Variants in GSK3B observed in about 807,000 individuals in gnomAD.
GSK3B encodes glycogen synthase kinase-3 beta.
A neutral mutation model predicts 56.4 loss-of-function variants in GSK3B; 15 were observed. The observed-to-expected ratio is 0.27, with a 90% confidence interval of 0.18 to 0.41. The LOEUF (loss-of-function observed/expected upper bound fraction) is 0.41, where lower values mean the gene tolerates loss of function less well. Ranked by LOEUF, GSK3B falls within the 10% of genes least tolerant of loss-of-function variation. The pLI is 1.00. For missense variants in GSK3B, 300 were observed against 513.4 expected (o/e 0.58, Z 4.02); for synonymous variants, 181 against 188.9 (o/e 0.96, Z 0.34).
intron 7 of GSK3B, among the ~76,000 whole-genome samples, chr3:119,892,684 G>C (rs1465249468): frequency 6.6e-6 from 1 of 152,142 alleles, no homozygotes; most frequent in Non-Finnish European, 1.5e-5. Context: ...TATGCACCTT[G>C]AAAGACTAAA....
intron 6 of GSK3B, among the ~76,000 whole-genome samples, chr3:119,908,123 T>C (rs2056700841): frequency 2.0e-5 from 3 of 152,166 alleles, no homozygotes. Context: ...TTAAAAACAT[T>C]ACAGTCTTAA....
intron 6 of GSK3B, among the ~76,000 whole-genome samples, chr3:119,910,531 T>C (rs1169421356): frequency 1.3e-5 from 2 of 152,246 alleles, no homozygotes; most frequent in Non-Finnish European, 2.9e-5. Context: ...ATCTTTTTGC[T>C]GGCAGAGGGT....
At chr3:120,087,903 T>C (rs2058478640) in intron 1 of GSK3B, among the ~76,000 whole-genome samples, 1 of 152,134 alleles carries the variant, frequency 6.6e-6, no homozygotes, top group South Asian at 2.1e-4. Flanking sequence ...TTGTTTTGTT[T>C]TTTTTTTGAG....
At chr3:119,963,248 G>C (rs932017329) in intron 2 of GSK3B, among the ~76,000 whole-genome samples, 2 of 152,068 alleles carry the variant, frequency 1.3e-5, no homozygotes, top group African/African-American at 4.8e-5. Flanking sequence ...AATTAATATT[G>C]TTAAAATGTC....
At chr3:119,959,999 GCTTT>G (rs2057255965) in intron 2 of GSK3B, among the ~76,000 whole-genome samples, 1 of 151,838 alleles carries the variant, frequency 6.6e-6, no homozygotes, top group Non-Finnish European at 1.5e-5. Flanking sequence ...GTTCAAAGCA[GCTTT>G]ATTTAGAATA....
chr3:120,056,146 T>G (rs1188042658), intron 1 of GSK3B, among the ~76,000 whole-genome samples: 1 of 152,226 alleles, frequency 6.6e-6, no homozygotes, highest in Non-Finnish European at 1.5e-5. Context: ...GAAAAATTTC[T>G]TGGTAATTTT....
intron 1 of GSK3B, among the ~76,000 whole-genome samples, chr3:120,076,810 T>C (rs1169101592): frequency 3.6e-5 from 2 of 56,312 alleles, no homozygotes; most frequent in East Asian, 8.4e-4. Flanking sequence ...CGAAACTCCG[T>C]CTCAAAAAAA....
At chr3:120,078,408 C>T (rs1470506992) in intron 1 of GSK3B, among the ~76,000 whole-genome samples, 2 of 152,142 alleles carry the variant, frequency 1.3e-5, no homozygotes, top group South Asian at 2.1e-4. Flanking sequence ...TCTTTTCTAA[C>T]GACCCAGGAA....
At chr3:120,054,983 A>AG (rs576249297) in intron 1 of GSK3B, among the ~76,000 whole-genome samples, 15 of 152,284 alleles carry the variant, frequency 9.9e-5, no homozygotes, top group African/African-American at 3.6e-4. Context: ...TTGGACTCAG[A>AG]CACCTAAAGA....
chr3:119,878,997 A>C (rs77894585), intron 7 of GSK3B, among the ~76,000 whole-genome samples: 3,934 of 152,288 alleles, frequency 0.026, 172 homozygotes, highest in African/African-American at 0.089. Flanking sequence ...AAGCGTATGG[A>C]AAAACTTATC....
At chr3:119,968,906 A>C (rs1231554617) in intron 2 of GSK3B, among the ~76,000 whole-genome samples, 4 of 152,266 alleles carry the variant, frequency 2.6e-5, no homozygotes, top group Non-Finnish European at 4.4e-5. Context: ...GTATTCTCAT[A>C]TATCAGGAAC....
intron 10 of GSK3B, among the ~76,000 whole-genome samples, chr3:119,830,172 C>T (rs2055576555): frequency 1.3e-5 from 2 of 152,188 alleles, no homozygotes; most frequent in African/African-American, 4.8e-5. Flanking sequence ...TCTCTACAAT[C>T]CCATCATAAA....
intron 3 of GSK3B, among the ~76,000 whole-genome samples, chr3:119,931,523 T>C (rs752855082): frequency 1.6e-4 from 25 of 151,982 alleles, no homozygotes; most frequent in African/African-American, 6.0e-4. Flanking sequence ...GGCTGAGGCA[T>C]GAGAATCGCT....
chr3:120,054,844 T>C (rs1057185116), intron 1 of GSK3B, among the ~76,000 whole-genome samples: 3 of 152,182 alleles, frequency 2.0e-5, no homozygotes, highest in Admixed American at 1.3e-4. Context: ...TTTGAAAGTG[T>C]AGCACATGTA....
intron 2 of GSK3B, among the ~76,000 whole-genome samples, chr3:119,958,938 G>A (rs2057242875): frequency 1.3e-5 from 2 of 150,684 alleles, no homozygotes; most frequent in South Asian, 4.2e-4. Flanking sequence ...AGAAACGGGG[G>A]CATCAGCCTA....
intron 2 of GSK3B, among the ~76,000 whole-genome samples, chr3:119,947,632 G>C (rs1007750460): frequency 3.6e-4 from 54 of 152,098 alleles, no homozygotes; most frequent in Non-Finnish European, 2.9e-4. Context: ...ATGGTAATAA[G>C]AATTAGGATC....
chr3:119,900,484 T>C (rs1015101688), intron 7 of GSK3B, among the ~76,000 whole-genome samples: 2 of 152,124 alleles, frequency 1.3e-5, no homozygotes, highest in Non-Finnish European at 2.9e-5. Context: ...TGGACTGAAA[T>C]TCATCTTACC....
intron 6 of GSK3B, among the ~76,000 whole-genome samples, chr3:119,910,732 A>G (rs1019852010): frequency 6.6e-6 from 1 of 152,192 alleles, no homozygotes; most frequent in African/African-American, 2.4e-5. Flanking sequence ...ACCACTTTCA[A>G]AATGGGAGTC....
intron 7 of GSK3B, among the ~76,000 whole-genome samples, chr3:119,879,255 A>G (rs957992315): frequency 2.0e-5 from 3 of 152,104 alleles, no homozygotes; most frequent in Non-Finnish European, 4.4e-5. Flanking sequence ...ATCTCAGCTC[A>G]CTGCAAGCTC....
Sources: gnomAD v4.1 joint callset for allele counts (sites outside exome capture counted in the v4.1 genomes callset) on GRCh38, gnomAD v4.1.1 for gene constraint, MANE v1.5 for transcripts, NCBI Gene and HGNC (gene_info 2026-07-23, HGNC 2026-07-21) for gene names.